The following CMSS1 variants were observed in gnomAD, a reference collection of about 807,000 sequenced individuals.
CMSS1 encodes cms1 ribosomal small subunit homolog, also known as protein CMSS1.
Under a neutral mutation model 43.5 loss-of-function variants are expected in CMSS1, and 33 were observed. That is an observed-to-expected ratio of 0.76 (90% confidence interval 0.57 to 1.01). The LOEUF is 1.01. Among genes scored for constraint, CMSS1 ranks in the 50% least tolerant of loss-of-function variants. The pLI is 0.00. For missense variants in CMSS1, 313 were observed against 326.4 expected, an observed-to-expected ratio of 0.96 and a Z score of 0.32; for synonymous variants, 115 against 117.2, an observed-to-expected ratio of 0.98 and a Z score of 0.12.
chr3:99,924,394 C>T (rs780887267), intron 1 of CMSS1: 1 of 1,614,036 alleles, frequency 6.2e-7, no homozygotes, highest in South Asian at 1.1e-5. Flanking sequence ...TATGTTTTTC[C>T]ACAACTTTGT....
At chr3:99,895,742 C>T (rs949258756) in intron 1 of CMSS1, among the ~76,000 whole-genome samples, 1 of 152,170 alleles carries the variant, frequency 6.6e-6, no homozygotes, top group Non-Finnish European at 1.5e-5. Flanking sequence ...AAAACCTCTT[C>T]CTTTTAACTA....
At chr3:99,876,303 C>G in intron 1 of CMSS1, 1 of 653,636 alleles carries the variant, frequency 1.5e-6, no homozygotes. Context: ...GGCGGCGGCG[C>G]AGCCACACAC....
At chr3:99,849,271 G>T in intron 1 of CMSS1, 1 of 1,614,140 alleles carries the variant, frequency 6.2e-7, no homozygotes, top group Non-Finnish European at 8.5e-7. Flanking sequence ...TACTGCTTCT[G>T]TCTGAACTTC....
chr3:99,877,165 T>A (rs1426297743), intron 1 of CMSS1, among the ~76,000 whole-genome samples: 1 of 152,210 alleles, frequency 6.6e-6, no homozygotes, highest in Admixed American at 6.5e-5. Flanking sequence ...ATCTGCTAAA[T>A]AAATTAGGGA....
chr3:99,957,693 C>CTTTTTTTTTT lies in CMSS1; in HGVS notation c.64+139669_64+139678dup, dbSNP rs779350496. 5.8e-3 allele frequency among the ~76,000 whole-genome samples: 116 copies of CTTTTTTTTTT among 19,884 alleles called. 20 individuals are homozygous for CTTTTTTTTTT. The highest frequency in any genetic ancestry group is 0.012 in the African/African-American group (74 of 5,968). 13.0% of individuals were successfully genotyped at this position (19,884 alleles called of 152,430 possible). ...TTCTCCTTTTCTCTTTTCTTTCTTT[C>CTTTTTTTTTT]TTTTTTTTTTTTTTTTTTTTTTTTT... On this transcript the variant is annotated intron_variant, in intron 1 of 9. Coordinates refer to ENST00000421999, the MANE Select transcript of CMSS1 (RefSeq NM_032359.4).
chr3:99,899,986 C>A (rs377442558), intron 1 of CMSS1, among the ~76,000 whole-genome samples: 1 of 152,044 alleles, frequency 6.6e-6, no homozygotes, highest in African/African-American at 2.4e-5. Flanking sequence ...TCTTTGAAAT[C>A]GTATAATTCT....
chr3:99,912,187 A>G (rs1484317818), intron 1 of CMSS1, among the ~76,000 whole-genome samples: 1 of 152,224 alleles, frequency 6.6e-6, no homozygotes, highest in Non-Finnish European at 1.5e-5. Context: ...ATACTGATAC[A>G]TGTTACAACA....
At chr3:100,011,428 T>C (rs1167981645) in intron 1 of CMSS1, among the ~76,000 whole-genome samples, 9 of 152,174 alleles carry the variant, frequency 5.9e-5, no homozygotes, top group African/African-American at 1.9e-4. Flanking sequence ...AAAGATATAA[T>C]TTAAAACACC....
chr3:99,930,174 A>G, intron 1 of CMSS1: 1 of 678,860 alleles, frequency 1.5e-6, no homozygotes, highest in Non-Finnish European at 2.4e-6. Context: ...ATAAAAGGTA[A>G]CAAAACTATA....
intron 1 of CMSS1, among the ~76,000 whole-genome samples, chr3:99,864,065 G>A (rs1411200641): frequency 1.3e-5 from 2 of 152,168 alleles, no homozygotes; most frequent in Non-Finnish European, 2.9e-5. Flanking sequence ...TATTTTTAAT[G>A]GAATTAATAT....
At chr3:100,122,265 C>G (rs534901784) in intron 1 of CMSS1, among the ~76,000 whole-genome samples, 12 of 152,342 alleles carry the variant, frequency 7.9e-5, no homozygotes, top group Admixed American at 2.6e-4. Context: ...TAAGACAATT[C>G]TAGACCCCCC....
intron 1 of CMSS1, among the ~76,000 whole-genome samples, chr3:100,099,846 C>T (rs573469641): frequency 8.9e-4 from 136 of 152,218 alleles, no homozygotes; most frequent in African/African-American, 2.9e-3. Context: ...AAGTATGCAG[C>T]GGTAGAACAT....
At chr3:100,087,879 G>A (rs1415050887) in intron 1 of CMSS1, among the ~76,000 whole-genome samples, 3 of 143,874 alleles carry the variant, frequency 2.1e-5, no homozygotes, top group Non-Finnish European at 3.0e-5. Flanking sequence ...CACCCAGGCT[G>A]GAGTGCAGTG....
intron 1 of CMSS1, chr3:99,851,039 A>G (rs1219955931): frequency 6.3e-7 from 1 of 1,596,504 alleles, no homozygotes. Flanking sequence ...TCCTCCTGAG[A>G]CTTGATTTCT....
chr3:99,870,997 C>T (rs2107581221), intron 1 of CMSS1, among the ~76,000 whole-genome samples: 1 of 152,270 alleles, frequency 6.6e-6, no homozygotes, highest in South Asian at 2.1e-4. Context: ...GATACTCCTT[C>T]ACCAGGTATA....
chr3:99,990,729 C>T (rs1709486586), intron 1 of CMSS1, among the ~76,000 whole-genome samples: 1 of 151,878 alleles, frequency 6.6e-6, no homozygotes, highest in Admixed American at 6.6e-5. Context: ...CTATCAAGTG[C>T]CCACGGGAGG....
intron 1 of CMSS1, chr3:99,830,439 A>G (rs1013335981): frequency 2.2e-6 from 1 of 451,806 alleles, no homozygotes; most frequent in Non-Finnish European, 4.5e-6. Flanking sequence ...CACGTGGAGG[A>G]AGGTGTTGGA....
rs1028303664 is a variant in CMSS1, at chr3:100,180,809, C to T, written c.*2421C>T. 3 of 152,122 alleles carry T rather than the reference C, an allele frequency of 2.0e-5. No individual in the cohort carries two copies. Among genetic ancestry groups the T allele is most frequent in the African/African-American group, 7.2e-5 (3 of 41,380 alleles). The allele number at this position is 152,122 out of a possible 1,614,324, so 9.4% of individuals were successfully genotyped here. On this transcript the variant is annotated 3_prime_UTR_variant, in exon 10 of 10. Coordinates refer to ENST00000421999, the MANE Select transcript of CMSS1 (RefSeq NM_032359.4). ...TAGGTATCTTTATAGAAATGTCCCA[C>T]TTCTCTGGTACCAATTTTTTGTATT... is the stretch of plus-strand genomic sequence containing the variant.
intron 1 of CMSS1, among the ~76,000 whole-genome samples, chr3:100,001,768 T>C (rs957965582): frequency 2.0e-5 from 3 of 152,208 alleles, no homozygotes; most frequent in Non-Finnish European, 2.9e-5. Flanking sequence ...TAAACCAGTC[T>C]GCCAAGTCTT....
Sources: gnomAD v4.1 joint callset for allele counts (sites outside exome capture counted in the v4.1 genomes callset) on GRCh38, gnomAD v4.1.1 for gene constraint, MANE v1.5 for transcripts, NCBI Gene and HGNC (gene_info 2026-07-23, HGNC 2026-07-21) for gene names.